The following NEK4 variants were observed in gnomAD, a reference collection of about 807,000 sequenced individuals.
The protein encoded by NEK4 is serine/threonine-protein kinase Nek4.
A neutral mutation model predicts 98.4 loss-of-function variants in NEK4; 86 were observed. That is an observed-to-expected ratio of 0.87 (90% confidence interval 0.73 to 1.05). The LOEUF (loss-of-function observed/expected upper bound fraction) is 1.05. Ranked by LOEUF, NEK4 falls within the 50% of genes least tolerant of loss-of-function variation. The probability of loss-of-function intolerance (pLI) is 0.00; values close to 1 mark genes in which losing one functional copy is unlikely to be tolerated. For missense variants in NEK4, 898 were observed against 950.3 expected (o/e 0.94, Z 0.72); for synonymous variants, 328 against 342.2 (o/e 0.96, Z 0.46).
At chr3:52,738,495 G>A (rs755005541) in intron 14 of NEK4, among the ~76,000 whole-genome samples, 10 of 150,828 alleles carry the variant, frequency 6.6e-5, no homozygotes, top group Non-Finnish European at 1.3e-4. Flanking sequence ...CTGTCGCTCA[G>A]GCTGGAGTGC....
At chr3:52,754,152 A>C (rs901166192) in intron 6 of NEK4, 3 of 267,672 alleles carry the variant, frequency 1.1e-5, no homozygotes, top group South Asian at 4.2e-5. Context: ...ACAGAGCGAG[A>C]CTCCGTCTCA....
chr3:52,741,060 C>T (rs2097385027), intron 13 of NEK4, among the ~76,000 whole-genome samples: 1 of 151,472 alleles, frequency 6.6e-6, no homozygotes, highest in Non-Finnish European at 1.5e-5. Flanking sequence ...CGGTGAAACG[C>T]CATCTCTACT....
At chr3:52,737,486 A>G in intron 15 of NEK4, 100 bp downstream of exon 15, 1 of 1,242,090 alleles carries the variant, frequency 8.1e-7, no homozygotes, top group Non-Finnish European at 1.2e-6. Context: ...TGAATTATAC[A>G]CTTTAGATGA....
chr3:52,766,236 AT>A lies in NEK4; in HGVS notation c.499del (p.Ile167LeufsTer7). Reference sequence around the variant, plus strand: ...AGGGCTCATGTAGTAGGGTGTGCCAATGAGGGTGCTAGCCATGTCACAGTGG... The same window carrying A: ...AGGGCTCATGTAGTAGGGTGTGCCAAGAGGGTGCTAGCCATGTCACAGTGG... ...ENHCDMASTL[I>X]GTPYYMSPEL... On this transcript the variant is annotated frameshift_variant, in exon 3 of 16. Transcript: ENST00000233027. LOFTEE classifies it high-confidence loss of function. The A allele has an allele frequency of 1.9e-6, 3 of 1,614,158 alleles. No homozygotes were observed. Among genetic ancestry groups the A allele is most frequent in the Non-Finnish European group, 2.5e-6 (3 of 1,180,016 alleles).
At chr3:52,757,789 T>C (rs932085386) in intron 6 of NEK4, among the ~76,000 whole-genome samples, 31 of 152,114 alleles carry the variant, frequency 2.0e-4, no homozygotes, top group Admixed American at 8.5e-4. Flanking sequence ...TTGAGGATAT[T>C]ATGTGAAACG....
chr3:52,754,625 C>T (rs1024729118), intron 6 of NEK4: 20 of 825,710 alleles, frequency 2.4e-5, no homozygotes, highest in South Asian at 1.2e-4. Flanking sequence ...TACGTGTCGC[C>T]GGCCTGTCAT....
chr3:52,742,785 CTTAT>C (rs1185961640), intron 12 of NEK4, among the ~76,000 whole-genome samples: 7 of 151,990 alleles, frequency 4.6e-5, no homozygotes, highest in African/African-American at 7.2e-5. Context: ...TATTTATTTA[CTTAT>C]TTATTTATTT....
rs779250361 is a variant in NEK4, at chr3:52,768,564, C to T, written c.134G>A (p.Arg45Gln). ...KKLNLRNASS[R>Q]ERRAAEQEAQ... ...TTCCTGTTCAGCAGCTCGCCGCTCT[C>T]GGCTAGAGGCATTTCGGAGGTTCAG... Residue 45 changes from arginine to glutamine, a missense_variant, in exon 2 of 16, where the codon CGA becomes CAA. Transcript: ENST00000233027. The T allele has an allele frequency of 1.2e-5, 20 of 1,614,172 alleles. No individual in the cohort carries two copies. The highest frequency in any genetic ancestry group is 2.7e-5 in the African/African-American group (2 of 75,042).
chr3:52,723,771 G>C (rs1189087648), intron 15 of NEK4, among the ~76,000 whole-genome samples: 2 of 152,090 alleles, frequency 1.3e-5, no homozygotes, highest in African/African-American at 4.8e-5. Flanking sequence ...AAAGAGGAGA[G>C]AGAGGGGATC....
At chr3:52,740,579 C>T (rs1553916838) in intron 13 of NEK4, among the ~76,000 whole-genome samples, 2 of 151,100 alleles carry the variant, frequency 1.3e-5, no homozygotes, top group Non-Finnish European at 3.0e-5. Context: ...GGGCGGATCA[C>T]CTGAGGTCAG....
At chr3:52,766,879 G>C (rs1047399680) in intron 2 of NEK4, among the ~76,000 whole-genome samples, 1 of 152,100 alleles carries the variant, frequency 6.6e-6, no homozygotes, top group Non-Finnish European at 1.5e-5. Flanking sequence ...CCAGCTACTC[G>C]GGACGCTGAG....
At chr3:52,716,298 C>T (rs748704441) in intron 15 of NEK4, among the ~76,000 whole-genome samples, 1 of 152,200 alleles carries the variant, frequency 6.6e-6, no homozygotes, top group Non-Finnish European at 1.5e-5. Context: ...GGAAAAGTGA[C>T]ACCCCAAAGA....
intron 15 of NEK4, among the ~76,000 whole-genome samples, chr3:52,722,540 G>C (rs2097361009): frequency 6.6e-6 from 1 of 152,076 alleles, no homozygotes; most frequent in South Asian, 2.1e-4. Context: ...AATAAGTATG[G>C]ACCATTCAAA....
chr3:52,749,202 A>G (rs1310106994), intron 8 of NEK4, among the ~76,000 whole-genome samples: 1 of 151,954 alleles, frequency 6.6e-6, no homozygotes, highest in African/African-American at 2.4e-5. Flanking sequence ...GGTCAATCTC[A>G]GCTCACTACA....
In NEK4 at chr3:52,765,955, C is replaced by T; in HGVS notation, c.598G>A (p.Ala200Thr). 6.2e-7 allele frequency: 1 copy of T among 1,612,704 alleles called. No individual in the cohort carries two copies. Among genetic ancestry groups the T allele is most frequent in the Non-Finnish European group, 8.5e-7 (1 of 1,178,860 alleles). The part of the protein sequence containing the change: ...WALGCCVYEM[A>T]TLKHAFNAKD... ...GCATTGAAAGCATGCTTCAAGGTGG[C>T]CATTTCATAGACACAGCATCCTAGA... Residue 200 changes from alanine (A) to threonine (T), a missense_variant, in exon 4 of 16, where the codon GCC becomes ACC. Coordinates refer to ENST00000233027, the MANE Select transcript of NEK4 (RefSeq NM_003157.6).
At chr3:52,753,251 G>T (rs912846139) in intron 6 of NEK4, among the ~76,000 whole-genome samples, 1 of 152,110 alleles carries the variant, frequency 6.6e-6, no homozygotes, top group Non-Finnish European at 1.5e-5. Flanking sequence ...GCAGTGAGCC[G>T]TGATCACACC....
rs2097349709 is a variant in NEK4, at chr3:52,710,864, T to C, written c.*913A>G. On this transcript the variant is annotated 3_prime_UTR_variant, in exon 16 of 16. Coordinates refer to ENST00000233027, the MANE Select transcript of NEK4 (RefSeq NM_003157.6). ...TATTCAAGACTTGTATTTAACTTCA[T>C]AAAATTTCTTTCCTAGATGGGTATT... The C allele has an allele frequency of 6.6e-6, 1 of 152,296 alleles. No individual in the cohort carries two copies. Among genetic ancestry groups the C allele is most frequent in the South Asian group, 2.1e-4 (1 of 4,834 alleles). The allele number at this position is 152,296 out of a possible 1,614,324, so 9.4% of individuals were successfully genotyped here.
At chr3:52,770,173 G>A (rs1698721944) in intron 1 of NEK4, among the ~76,000 whole-genome samples, 1 of 152,042 alleles carries the variant, frequency 6.6e-6, no homozygotes, top group Admixed American at 6.6e-5. Flanking sequence ...CATGAGAGAA[G>A]GTTTGGCGGG....
intron 2 of NEK4, among the ~76,000 whole-genome samples, 184 bp downstream of exon 2, chr3:52,768,154 T>C (rs558104029): frequency 6.6e-5 from 10 of 152,370 alleles, no homozygotes; most frequent in East Asian, 1.9e-4. Context: ...TATTTTAATA[T>C]AGGTATCACT....
Sources: gnomAD v4.1 joint callset for allele counts (sites outside exome capture counted in the v4.1 genomes callset) on GRCh38, gnomAD v4.1.1 for gene constraint, MANE v1.5 for transcripts, NCBI Gene and HGNC (gene_info 2026-07-23, HGNC 2026-07-21) for gene names.